The following CSNK2A1 variants were observed in gnomAD, a reference collection of about 807,000 sequenced individuals.
CSNK2A1 encodes the protein casein kinase 2 alpha 1, also known as casein kinase II subunit alpha.
In CSNK2A1, 10 loss-of-function variants were observed where a neutral mutation model predicts 62.9. The observed-to-expected ratio is 0.16, with a 90% CI of 0.10 to 0.27. The LOEUF (loss-of-function observed/expected upper bound fraction) is 0.27. CSNK2A1 is among the 10% of genes least tolerant of loss of function. The pLI is 1.00. For missense variants in CSNK2A1, 160 were observed against 492.0 expected, an observed-to-expected ratio of 0.33 and a Z score of 6.38; for synonymous variants, 124 against 167.8, an observed-to-expected ratio of 0.74 and a Z score of 2.02.
chr20:525,997 CCT>C (rs1455882860), intron 2 of CSNK2A1, among the ~76,000 whole-genome samples: 3 of 151,764 alleles, frequency 2.0e-5, no homozygotes, highest in Non-Finnish European at 4.4e-5. Flanking sequence ...ATAGCAAGGC[CCT>C]GATTCGAAAA....
chr20:503,688 A>G (rs2122555600), intron 4 of CSNK2A1: 1 of 398,652 alleles, frequency 2.5e-6, no homozygotes, highest in Non-Finnish European at 4.4e-6. Flanking sequence ...TGTGGTAAAA[A>G]GCAAGTACTG....
Position 472,546 on chromosome 20 carries a change from G to A in CSNK2A1, c.*11415C>T, listed in dbSNP as rs1197090205. The A allele has an allele frequency of 1.3e-5, 2 of 152,508 alleles. No individual in the cohort carries two copies. The highest frequency in any genetic ancestry group is 6.5e-5 in the Admixed American group (1 of 15,280). 9.4% of individuals were successfully genotyped at this position (152,508 alleles called of 1,614,324 possible). A position where few individuals can be genotyped will look rare whatever the true frequency, so the allele number is the denominator to read the frequency against. ...GACTGCCAGCACTAGGGGCCGAAGA[G>A]AGTTAGCAGTCCCCTTAAGCTGGTG... On this transcript the variant is annotated 3_prime_UTR_variant, in exon 14 of 14. Coordinates refer to ENST00000217244, the MANE Select transcript of CSNK2A1 (RefSeq NM_177559.3).
intron 2 of CSNK2A1, among the ~76,000 whole-genome samples, chr20:523,879 A>C (rs1016558220): frequency 1.3e-5 from 2 of 150,788 alleles, no homozygotes; most frequent in African/African-American, 2.4e-5. Context: ...AAAAAAAAAA[A>C]AACTGTAGTA....
Position 499,786 on chromosome 20 carries a change from ACAC to A in CSNK2A1, c.315+44_315+46del, listed in dbSNP as rs1326326571. ...AGAGGCCAGTTGTGCTCCAGGTCAA[ACAC>A]CATCTCAGCTCTGGCGGGCCTTGCT... On this transcript the variant is annotated intron_variant, in intron 5 of 13. Coordinates refer to ENST00000217244, the MANE Select transcript of CSNK2A1 (RefSeq NM_177559.3). This position sits in a 1 kb window ranked among gnomAD's most constrained non-coding sequence, Gnocchi z 4.2. 6.3e-7 allele frequency: 1 copy of A among 1,583,462 alleles called. No individual in the cohort carries two copies. Among genetic ancestry groups the A allele is most frequent in the Non-Finnish European group, 8.7e-7 (1 of 1,154,812 alleles).
rs1272565053 is a variant in CSNK2A1 at position 481,884 on chromosome 20, G to T, written c.*2077C>A. ...TTAGCTTCTGCACAAATTCAACATG[G>T]TAACCCTCACAGCATTCTAGGGCAT... On this transcript the variant is annotated 3_prime_UTR_variant, in exon 14 of 14. Transcript: ENST00000217244. The T allele has an allele frequency of 6.6e-6, 1 of 152,072 alleles. No individual in the cohort carries two copies. The highest frequency in any genetic ancestry group is 1.9e-4 in the East Asian group (1 of 5,192). 9.4% of individuals were successfully genotyped at this position (152,072 alleles called of 1,614,324 possible). A position where few individuals can be genotyped will look rare whatever the true frequency, so the allele number is the denominator to read the frequency against.
intron 1 of CSNK2A1, among the ~76,000 whole-genome samples, chr20:535,584 C>T (rs1288397198): frequency 1.3e-5 from 2 of 151,994 alleles, no homozygotes; most frequent in African/African-American, 2.4e-5. Flanking sequence ...GGCGACACCC[C>T]GCCTCTACTA....
intron 2 of CSNK2A1, among the ~76,000 whole-genome samples, chr20:518,960 A>C (rs1461766910): frequency 6.8e-6 from 1 of 146,178 alleles, no homozygotes; most frequent in Non-Finnish European, 1.5e-5. Flanking sequence ...TTTTGCCACA[A>C]AGTCTTGTTC....
intron 1 of CSNK2A1, among the ~76,000 whole-genome samples, chr20:536,146 A>G (rs1432650030): frequency 6.6e-6 from 1 of 152,196 alleles, no homozygotes. Flanking sequence ...CGTGACTTAC[A>G]TACTGATCCA....
At chr20:536,256 A>G (rs2019321693) in intron 1 of CSNK2A1, among the ~76,000 whole-genome samples, 1 of 152,200 alleles carries the variant, frequency 6.6e-6, no homozygotes. Context: ...AACTCTTGGC[A>G]GCAGAAAATG....
chr20:500,195 T>C (rs1200749756), intron 4 of CSNK2A1: 2 of 427,676 alleles, frequency 4.7e-6, no homozygotes, highest in Non-Finnish European at 8.5e-6. Context: ...ATTTCAATCA[T>C]CAGTCTTGAT....
rs769442343 is a variant in CSNK2A1 at position 524,527 on chromosome 20, C to G, written c.-110+3406G>C. On this transcript the variant is annotated intron_variant, in intron 2 of 13. Coordinates refer to ENST00000217244, the MANE Select transcript of CSNK2A1 (RefSeq NM_177559.3). ...AGGAGTTTGAGACCAGCCTGGCCAA[C>G]ACAGCGAAACCTCATCTCTACTTAA... 4.7e-5 allele frequency among the ~76,000 whole-genome samples: 7 copies of G among 150,080 alleles called. No individual in the cohort carries two copies. The East Asian group carries it at 1.2e-3, about 25-fold the overall frequency.
Position 499,944 on chromosome 20 carries a change from GA to G in CSNK2A1, c.214-11del. On this transcript the variant is annotated splice_polypyrimidine_tract_variant and intron_variant, in intron 4 of 13. Transcript: ENST00000217244. The surrounding 1 kb of genome is among the most constrained non-coding windows in gnomAD (Gnocchi z 4.2). Reference sequence around the variant, plus strand: ...TCTTCTTTTTTACTGGCTGAAAGGGGAAAAGTACATCAGCAAAAAAAAAAAA... The same window carrying G: ...TCTTCTTTTTTACTGGCTGAAAGGGGAAAGTACATCAGCAAAAAAAAAAAA... 10 of 1,537,042 alleles carry G rather than the reference GA, an allele frequency of 6.5e-6. No homozygotes were observed. Among genetic ancestry groups the G allele is most frequent in the Non-Finnish European group, 8.8e-6 (10 of 1,133,314 alleles).
At chr20:492,820 T>C (rs762092104) in intron 8 of CSNK2A1, 1 of 155,658 alleles carries the variant, frequency 6.4e-6, no homozygotes, top group Non-Finnish European at 1.4e-5. Flanking sequence ...GGGACTGTTT[T>C]ATTCACCTTT....
intron 13 of CSNK2A1, among the ~76,000 whole-genome samples, chr20:485,402 C>G (rs537648837): frequency 6.6e-6 from 1 of 151,924 alleles, no homozygotes; most frequent in Admixed American, 6.6e-5. Flanking sequence ...AGGCTGGTCT[C>G]GAACTCCTGA....
Position 483,242 on chromosome 20 carries a change from A to G in CSNK2A1, c.*719T>C, listed in dbSNP as rs1046346187. 2.6e-5 allele frequency: 4 copies of G among 152,202 alleles called. No homozygotes were observed. The highest frequency in any genetic ancestry group is 9.6e-5 in the African/African-American group (4 of 41,452). 9.4% of individuals were successfully genotyped at this position (152,202 alleles called of 1,614,324 possible). A position where few individuals can be genotyped will look rare whatever the true frequency, so the allele number is the denominator to read the frequency against. On this transcript the variant is annotated 3_prime_UTR_variant, in exon 14 of 14. Coordinates refer to ENST00000217244, the MANE Select transcript of CSNK2A1 (RefSeq NM_177559.3). ...GTATCAACATTTTAAACTGAACTAAAAATAAAAGTATAAATGAGTTGGATT... is the reference window on the plus strand; with the variant it reads ...GTATCAACATTTTAAACTGAACTAAGAATAAAAGTATAAATGAGTTGGATT...
Position 523,880 on chromosome 20 carries a change from A to C in CSNK2A1, c.-110+4053T>G, listed in dbSNP as rs6139454. Among the ~76,000 whole-genome samples the C allele has an allele frequency of 2.0e-5, 3 of 150,416 alleles. No homozygotes were observed. In the East Asian group the frequency reaches 5.9e-4, roughly 29 times the overall value. ...TCTCAAAAAAAAAAAAAAAAAAAAA[A>C]ACTGTAGTAACTCAGAACAGAACAG... On this transcript the variant is annotated intron_variant, in intron 2 of 13. Coordinates refer to ENST00000217244, the MANE Select transcript of CSNK2A1 (RefSeq NM_177559.3).
intron 2 of CSNK2A1, among the ~76,000 whole-genome samples, chr20:525,418 T>A (rs569987547): frequency 6.6e-6 from 1 of 152,080 alleles, no homozygotes; most frequent in Admixed American, 6.5e-5. Context: ...TGTGGGAGGC[T>A]GAGGCGGGCG....
intron 2 of CSNK2A1, among the ~76,000 whole-genome samples, chr20:519,138 G>GT (rs1300472109): frequency 6.6e-6 from 1 of 151,844 alleles, no homozygotes; most frequent in Non-Finnish European, 1.5e-5. Flanking sequence ...GTTTTGCCAT[G>GT]TTTTGGCCAG....
At chr20:539,364 G>A (rs1327288106) in intron 1 of CSNK2A1, 1 of 152,170 alleles carries the variant, frequency 6.6e-6, no homozygotes, top group Non-Finnish European at 1.5e-5. Flanking sequence ...TTCCTTGCTG[G>A]TTGTCAGCTG....
Sources: allele counts gnomAD v4.1 joint callset (sites outside exome capture counted in the v4.1 genomes callset), GRCh38; gene constraint gnomAD v4.1.1; non-coding constraint Gnocchi (gnomAD v3.1); transcripts MANE v1.5; gene names NCBI Gene and HGNC (gene_info 2026-07-23, HGNC 2026-07-21).